HERC1: variants seen among roughly 807,000 people sequenced by gnomAD.
HERC1 encodes the protein probable E3 ubiquitin-protein ligase HERC1.
HERC1 carries 160 observed loss-of-function variants against 554.3 expected under a neutral mutation model. The ratio of observed to expected loss-of-function variants is 0.29; its 90% CI spans 0.25 to 0.33. The LOEUF (loss-of-function observed/expected upper bound fraction) is 0.33. Among genes scored for constraint, HERC1 ranks in the 10% least tolerant of loss-of-function variants. The probability of loss-of-function intolerance (pLI) is 1.00; values close to 1 mark genes in which losing one functional copy is unlikely to be tolerated. For missense variants in HERC1, 4,919 were observed against 5,918.5 expected, an observed-to-expected ratio of 0.83 and a Z score of 5.54; for synonymous variants, 2,175 against 2,131.7, an observed-to-expected ratio of 1.02 and a Z score of -0.56.
chr15:63,706,902 G>A (rs537177747), intron 24 of HERC1, 71 bp from the exon 25 acceptor site: 17 of 962,606 alleles, frequency 1.8e-5, no homozygotes, highest in East Asian at 1.6e-4. Flanking sequence ...ATTTAATAGA[G>A]TATTAGAATA....
intron 76 of HERC1, 148 bp downstream of exon 76, chr15:63,615,620 A>C: frequency 3.6e-6 from 2 of 557,734 alleles, no homozygotes; most frequent in African/African-American, 2.0e-5. Context: ...AAAAATAAAT[A>C]AGTAAATTAA....
chr15:63,726,769 G>C (rs567129452), intron 17 of HERC1, among the ~76,000 whole-genome samples: 11 of 152,066 alleles, frequency 7.2e-5, no homozygotes, highest in Non-Finnish European at 1.6e-4. Context: ...GAGATAACTC[G>C]TATCTTACAC....
chr15:63,675,405 G>A (rs992723859), intron 37 of HERC1, among the ~76,000 whole-genome samples: 1 of 152,146 alleles, frequency 6.6e-6, no homozygotes, highest in East Asian at 1.9e-4. Flanking sequence ...GGCCAGACAG[G>A]AAATATTTTA....
In HERC1 at chr15:63,644,864, T is replaced by G. The variant is rs1023061995; in HGVS notation, c.11184+128A>C. 3.3e-5 allele frequency: 22 copies of G among 658,274 alleles called. No individual in the cohort carries two copies. In the African/African-American group the frequency reaches 3.4e-4, roughly 10 times the overall value. 40.8% of individuals were successfully genotyped at this position (658,274 alleles called of 1,614,324 possible). A position where few individuals can be genotyped will look rare whatever the true frequency, so the allele number is the denominator to read the frequency against. ...TAAGCTAATTCAGGATGACAATTAC[T>G]TATATTTCCCAATGGATCTTGCCCT... On this transcript the variant is annotated intron_variant, in intron 57 of 77. Transcript: ENST00000443617.
rs2072293635 is a variant in HERC1 at position 63,694,552 on chromosome 15, A to G, written c.5243-3T>C. 3 of 1,610,958 alleles carry G rather than the reference A, an allele frequency of 1.9e-6. No homozygotes were observed. Among genetic ancestry groups the G allele is most frequent in the African/African-American group, 1.3e-5 (1 of 75,014 alleles). ...CAGAAGCAGACGTTGCTGGGCTTCT[A>G]AAAGACAAAGAGACAGTTAAGAATC... On this transcript the variant is annotated splice_polypyrimidine_tract_variant and splice_region_variant and intron_variant, in intron 28 of 77. Transcript: ENST00000443617. This position sits in a 1 kb window ranked among gnomAD's most constrained non-coding sequence, Gnocchi z 4.3.
intron 12 of HERC1, among the ~76,000 whole-genome samples, chr15:63,743,263 C>CTTTTTTT (rs71131177): frequency 2.4e-3 from 264 of 108,890 alleles, no homozygotes; most frequent in Non-Finnish European, 3.1e-3. Flanking sequence ...TTTTCTTTTT[C>CTTTTTTT]TTTTTTTTTT....
intron 30 of HERC1, among the ~76,000 whole-genome samples, chr15:63,693,157 G>A (rs2072211461): frequency 6.6e-6 from 1 of 151,852 alleles, no homozygotes; most frequent in Admixed American, 6.6e-5. Context: ...CAGCCTGGGT[G>A]ACAGGGTGAG....
intron 1 of HERC1, among the ~76,000 whole-genome samples, chr15:63,829,734 C>T (rs1039063384): frequency 6.6e-6 from 1 of 151,332 alleles, no homozygotes; most frequent in African/African-American, 2.4e-5. Flanking sequence ...GAGAAGTAGT[C>T]GACTCCAGGA....
intron 64 of HERC1, among the ~76,000 whole-genome samples, chr15:63,636,424 C>A (rs1027311914): frequency 2.6e-5 from 4 of 151,930 alleles, no homozygotes; most frequent in Non-Finnish European, 4.4e-5. Flanking sequence ...GCATGTGCCA[C>A]CATATCTGGC....
chr15:63,675,151 C>A (rs751828620), intron 37 of HERC1, 34 bp from the exon 38 acceptor site: 9 of 1,528,300 alleles, frequency 5.9e-6, no homozygotes, highest in Non-Finnish European at 7.9e-6. Context: ...CAGGAAGAAG[C>A]AAGTGAGGGA....
Position 63,719,033 on chromosome 15 carries a change from G to C in HERC1, c.3743-136C>G, listed in dbSNP as rs2073691734. The C allele has an allele frequency of 1.6e-5, 10 of 613,322 alleles. 1 individual carries two copies. In the South Asian group the frequency reaches 1.7e-4, roughly 11 times the overall value. 38.0% of individuals were successfully genotyped at this position (613,322 alleles called of 1,614,324 possible). Reference sequence around the variant, plus strand: ...GTTACTTAACAAATGCACCTCATTAGATCCCACTTACTGTTCCAAGCGCTG... The same window carrying C: ...GTTACTTAACAAATGCACCTCATTACATCCCACTTACTGTTCCAAGCGCTG... On this transcript the variant is annotated intron_variant, in intron 19 of 77. Transcript: ENST00000443617.
intron 4 of HERC1, among the ~76,000 whole-genome samples, chr15:63,757,262 CTTT>C (rs56196711): frequency 4.6e-5 from 5 of 107,880 alleles, no homozygotes; most frequent in Admixed American, 1.2e-4. Context: ...TTTTTATTTA[CTTT>C]TTTTTTTTTT....
intron 1 of HERC1, among the ~76,000 whole-genome samples, chr15:63,817,412 T>C (rs1244148895): frequency 6.6e-6 from 1 of 152,190 alleles, no homozygotes; most frequent in Admixed American, 6.5e-5. Context: ...ATGTCAAGGA[T>C]TTGATTTAAA....
At chr15:63,627,250 AC>A (rs890879096) in intron 70 of HERC1, among the ~76,000 whole-genome samples, 4 of 151,932 alleles carry the variant, frequency 2.6e-5, no homozygotes, top group Admixed American at 1.3e-4. Flanking sequence ...GAATCTTAGG[AC>A]CCCCCCTAAG....
chr15:63,665,517 G>A (rs956583345), intron 42 of HERC1, among the ~76,000 whole-genome samples: 1 of 152,034 alleles, frequency 6.6e-6, no homozygotes, highest in Non-Finnish European at 1.5e-5. Flanking sequence ...CCTGGCGACA[G>A]AGCGAGACTC....
At chr15:63,668,250 T>C (rs1039602435) in intron 40 of HERC1, among the ~76,000 whole-genome samples, 3 of 151,938 alleles carry the variant, frequency 2.0e-5, no homozygotes, top group African/African-American at 4.8e-5. Flanking sequence ...AATATCAGAT[T>C]GGATTAAAAA....
intron 1 of HERC1, among the ~76,000 whole-genome samples, chr15:63,820,898 A>G (rs113430984): frequency 6.6e-6 from 1 of 152,136 alleles, no homozygotes; most frequent in African/African-American, 2.4e-5. Flanking sequence ...CTACATTAAC[A>G]TTACTACCAT....
rs1160089379 is a variant in HERC1, at chr15:63,651,275, C to T, written c.10524G>A (p.Met3508Ile). 9 of 1,613,832 alleles carry T rather than the reference C, an allele frequency of 5.6e-6. No homozygotes were observed. In the East Asian group the frequency reaches 1.8e-4, roughly 32 times the overall value. ...GKYLAGALEK[M>I]VNIWQVNGGK... ...TACCATTAACTTGCCAGATATTCACCATCTTTTCCAAAGCGCCTGCTAGAT... is the reference window on the plus strand; with the variant it reads ...TACCATTAACTTGCCAGATATTCACTATCTTTTCCAAAGCGCCTGCTAGAT... Residue 3508 changes from methionine (M) to isoleucine (I), a missense_variant, in exon 53 of 78, where the codon ATG (methionine) becomes ATA (isoleucine). Met to Ile is a conservative substitution (Grantham distance 10). This residue lies in a region of HERC1 where 1,963 missense variants were observed against 2,228.6 expected (regional missense o/e 0.88). Coordinates refer to ENST00000443617, the MANE Select transcript of HERC1 (RefSeq NM_003922.4).
intron 2 of HERC1, among the ~76,000 whole-genome samples, chr15:63,765,933 A>T (rs182899640): frequency 9.9e-5 from 15 of 152,128 alleles, no homozygotes; most frequent in African/African-American, 3.1e-4. Flanking sequence ...AAACTGATAG[A>T]GAAAGATCAA....
Sources: allele counts gnomAD v4.1 joint callset (sites outside exome capture counted in the v4.1 genomes callset), GRCh38; gene constraint gnomAD v4.1.1; regional missense constraint gnomAD v4.1.1; non-coding constraint Gnocchi (gnomAD v3.1); transcripts MANE v1.5; gene names NCBI Gene and HGNC (gene_info 2026-07-23, HGNC 2026-07-21).